DLGAP1: variants seen among roughly 807,000 people sequenced by gnomAD.
DLGAP1 encodes DLG associated protein 1, also known as disks large-associated protein 1.
In DLGAP1, 11 loss-of-function variants were observed where a neutral mutation model predicts 90.8. That is an observed-to-expected ratio of 0.12 (90% CI 0.08 to 0.20). The LOEUF is 0.20. Ranked by LOEUF, DLGAP1 falls within the 10% of genes least tolerant of loss-of-function variation. The pLI is 1.00. For synonymous variants in DLGAP1, 558 were observed against 540.7 expected, an observed-to-expected ratio of 1.03 and a Z score of -0.44; for missense variants, 1,050 against 1,333.8, an observed-to-expected ratio of 0.79 and a Z score of 3.31.
At chr18:3,705,131 G>C (rs2061393492) in intron 7 of DLGAP1, among the ~76,000 whole-genome samples, 2 of 152,282 alleles carry the variant, frequency 1.3e-5, no homozygotes, top group Admixed American at 1.3e-4. Context: ...TTTATTAGAA[G>C]AGAAACACAC....
chr18:4,107,418 G>C (rs1317180990), intron 2 of DLGAP1, among the ~76,000 whole-genome samples: 1 of 152,142 alleles, frequency 6.6e-6, no homozygotes, highest in Admixed American at 6.6e-5. Context: ...CTCTAGCTAC[G>C]TCTGGCTCCC....
intron 4 of DLGAP1, among the ~76,000 whole-genome samples, chr18:3,832,666 TTC>T (rs1004480881): frequency 2.6e-5 from 4 of 151,648 alleles, no homozygotes; most frequent in Non-Finnish European, 4.4e-5. Flanking sequence ...ACAGAGAACC[TTC>T]TTTTTTTTTT....
rs370296306 is a variant in DLGAP1 at position 4,015,500 on chromosome 18, A to T, written c.-158-10299T>A. Among the ~76,000 whole-genome samples the T allele has an allele frequency of 1.6e-4, 24 of 152,338 alleles. No homozygotes were observed. The East Asian group carries it at 4.2e-3, about 27-fold the overall frequency. On this transcript the variant is annotated intron_variant, in intron 2 of 12. Transcript: ENST00000315677. Reference sequence around the variant, plus strand: ...GTGTGTGTTGACCACACACTTTCTAATGTATCCAGAACATTGCTTCCATTG... The same window carrying T: ...GTGTGTGTTGACCACACACTTTCTATTGTATCCAGAACATTGCTTCCATTG...
At chr18:4,119,101 A>T (rs1009491935) in intron 2 of DLGAP1, among the ~76,000 whole-genome samples, 2 of 147,898 alleles carry the variant, frequency 1.4e-5, no homozygotes, top group Admixed American at 1.3e-4. Flanking sequence ...ATTTTATTTT[A>T]TTTTTTTTGA....
At chr18:4,000,448 T>C (rs951278347) in intron 3 of DLGAP1, among the ~76,000 whole-genome samples, 1 of 152,204 alleles carries the variant, frequency 6.6e-6, no homozygotes, top group African/African-American at 2.4e-5. Context: ...CAAATGGCCA[T>C]CACATTTTGT....
intron 3 of DLGAP1, among the ~76,000 whole-genome samples, chr18:3,954,214 TA>T (rs2073042268): frequency 6.6e-6 from 1 of 152,234 alleles, no homozygotes; most frequent in Admixed American, 6.5e-5. Flanking sequence ...AGTATTTTTT[TA>T]AAGTTATCTT....
At chr18:3,814,988 T>C (rs572961414) in intron 4 of DLGAP1, among the ~76,000 whole-genome samples, 23 of 152,356 alleles carry the variant, frequency 1.5e-4, no homozygotes, top group African/African-American at 5.3e-4. Flanking sequence ...GTCTTTAACA[T>C]GACTCATGTA....
chr18:3,765,048 T>C (rs1176628815), intron 5 of DLGAP1, among the ~76,000 whole-genome samples: 1 of 152,042 alleles, frequency 6.6e-6, no homozygotes, highest in African/African-American at 2.4e-5. Flanking sequence ...TGTATCTGTT[T>C]ATGTAGGTGG....
chr18:4,010,928 C>T (rs900534798), intron 2 of DLGAP1, among the ~76,000 whole-genome samples: 4 of 151,728 alleles, frequency 2.6e-5, no homozygotes, highest in Non-Finnish European at 5.9e-5. Flanking sequence ...GTAATCCCAG[C>T]ACTTTGGGAG....
chr18:4,164,464 G>A (rs2076899652), intron 1 of DLGAP1, among the ~76,000 whole-genome samples: 1 of 152,086 alleles, frequency 6.6e-6, no homozygotes, highest in Non-Finnish European at 1.5e-5. Context: ...GTGATCACCT[G>A]AGGTCAGGAG....
In DLGAP1 at chr18:3,646,221, C is replaced by T. The variant is rs536696365; in HGVS notation, c.1592-63973G>A. 4.6e-5 allele frequency among the ~76,000 whole-genome samples: 7 copies of T among 152,082 alleles called. No homozygotes were observed. In the South Asian group the frequency reaches 1.5e-3, roughly 32 times the overall value. On this transcript the variant is annotated intron_variant, in intron 7 of 12. Coordinates refer to ENST00000315677, the MANE Select transcript of DLGAP1 (RefSeq NM_004746.4). ...GACCAGCCTGGGCAATATAATGAGA[C>T]CTCATCTCTACAAAAATAAAAAGTT... is the stretch of plus-strand genomic sequence containing the variant.
At chr18:4,053,002 G>A (rs2075158678) in intron 2 of DLGAP1, among the ~76,000 whole-genome samples, 1 of 152,056 alleles carries the variant, frequency 6.6e-6, no homozygotes, top group Non-Finnish European at 1.5e-5. Context: ...AAGTCTCTAG[G>A]GAGTTCCAAA....
At chr18:4,145,346 A>T (rs2076567432) in intron 2 of DLGAP1, among the ~76,000 whole-genome samples, 1 of 152,226 alleles carries the variant, frequency 6.6e-6, no homozygotes, top group African/African-American at 2.4e-5. Flanking sequence ...TGACATAAAA[A>T]CTATAGAATA....
In DLGAP1 at chr18:4,147,983, G is replaced by A. The variant is rs145555303; in HGVS notation, c.-159+3197C>T. Among the ~76,000 whole-genome samples, 461 of 152,260 alleles carry A rather than the reference G, an allele frequency of 3.0e-3. 1 individual carries two copies. The highest frequency in any genetic ancestry group is 0.014 in the Middle Eastern group (4 of 294). On this transcript the variant is annotated intron_variant, in intron 2 of 12. Coordinates refer to ENST00000315677, the MANE Select transcript of DLGAP1 (RefSeq NM_004746.4). ...TTCTTGGGCCTCACTCCAGAACAGG[G>A]GTGTCCGAGGGAGAGAATACAGTTA...
At chr18:3,562,379 A>T (rs1335749140) in intron 9 of DLGAP1, among the ~76,000 whole-genome samples, 1 of 151,906 alleles carries the variant, frequency 6.6e-6, no homozygotes, top group African/African-American at 2.4e-5. Flanking sequence ...CTTGAATTGT[A>T]ACTCCCACAA....
intron 3 of DLGAP1, among the ~76,000 whole-genome samples, chr18:3,980,058 C>T (rs72866630): frequency 0.037 from 5,682 of 152,140 alleles, 200 homozygotes; most frequent in African/African-American, 0.094. Context: ...ATTGCTTTTA[C>T]GTGGGAGGTG....
At chr18:4,253,701 T>C (rs1209724797) in intron 1 of DLGAP1, among the ~76,000 whole-genome samples, 3 of 152,178 alleles carry the variant, frequency 2.0e-5, no homozygotes, top group African/African-American at 7.2e-5. Context: ...TGAGTCACTG[T>C]GCCTGGCAGA....
chr18:3,567,744 TTGACTC>T (rs1377159719), intron 8 of DLGAP1, among the ~76,000 whole-genome samples, 163 bp from the exon 9 acceptor site: 3 of 152,314 alleles, frequency 2.0e-5, no homozygotes, highest in East Asian at 3.9e-4. Flanking sequence ...TGCACGCTCT[TTGACTC>T]TGTTGCTGTT....
At chr18:3,537,997 A>G (rs112706147) in intron 9 of DLGAP1, among the ~76,000 whole-genome samples, 2,086 of 152,336 alleles carry the variant, frequency 0.014, 40 homozygotes, top group African/African-American at 0.048. Context: ...TGGGATTTTA[A>G]AAAACTATCC....
Sources: gnomAD v4.1 joint callset for allele counts (sites outside exome capture counted in the v4.1 genomes callset) on GRCh38, gnomAD v4.1.1 for gene constraint, MANE v1.5 for transcripts, NCBI Gene and HGNC (gene_info 2026-07-23, HGNC 2026-07-21) for gene names.